The following ATR variants were observed in gnomAD, a reference collection of about 807,000 sequenced individuals.
ATR encodes ATR checkpoint kinase.
In ATR, 142 loss-of-function variants were observed where a neutral mutation model predicts 305.3. The observed-to-expected ratio is 0.47, with a 90% confidence interval of 0.41 to 0.53. ATR has a LOEUF of 0.53. Ranked by LOEUF, ATR falls within the 20% of genes least tolerant of loss-of-function variation. ATR has a pLI of 0.00. For missense variants in ATR, 2,135 were observed against 3,133.1 expected, an observed-to-expected ratio of 0.68 and a Z score of 7.60; for synonymous variants, 1,050 against 1,068.1, an observed-to-expected ratio of 0.98 and a Z score of 0.33.
chr3:142,475,093 TTA>T (rs1299830756), intron 36 of ATR, among the ~76,000 whole-genome samples: 4 of 152,108 alleles, frequency 2.6e-5, no homozygotes, highest in Admixed American at 6.6e-5. Flanking sequence ...ATGTTATGTT[TTA>T]TATATATATG....
At chr3:142,543,958 A>C (rs1203883664) in intron 16 of ATR, among the ~76,000 whole-genome samples, 1 of 152,136 alleles carries the variant, frequency 6.6e-6, no homozygotes, top group African/African-American at 2.4e-5. Flanking sequence ...GGTGTAAGCC[A>C]CTGTGCTCGG....
chr3:142,510,743 A>T (rs1196769047), intron 27 of ATR, among the ~76,000 whole-genome samples: 1 of 152,074 alleles, frequency 6.6e-6, no homozygotes, highest in Admixed American at 6.6e-5. Flanking sequence ...AAAATACTTG[A>T]TGTCTGTGAG....
intron 15 of ATR, among the ~76,000 whole-genome samples, chr3:142,549,120 T>C (rs2034383335): frequency 6.6e-6 from 1 of 152,100 alleles, no homozygotes. Context: ...AACTAAAATA[T>C]AGACATTATA....
chr3:142,466,524 T>A lies in ATR; in HGVS notation c.6697A>T (p.Ser2233Cys). 1.9e-6 allele frequency: 3 copies of A among 1,613,292 alleles called. No individual in the cohort carries two copies. The highest frequency in any genetic ancestry group is 2.7e-5 in the African/African-American group (2 of 75,028). The change falls in exon 40 of 47, where the codon AGT (serine) becomes TGT (cysteine). Residue 2233 changes from serine to cysteine, a missense_variant. This residue lies in a region of ATR where 462 missense variants were observed against 887.6 expected (regional missense o/e 0.52). Coordinates refer to ENST00000350721, the MANE Select transcript of ATR (RefSeq NM_001184.4). The stretch of plus-strand genomic sequence containing the variant: ...GTGCTCATGCTTAATGTGGAACTAC[T>A]TCCATCAACCTGAAAAAATAAATAG... ...LELCNKPVDGSSSTLSMSTHF... is the reference protein window; with the variant it reads ...LELCNKPVDGCSSTLSMSTHF...
chr3:142,543,267 T>A (rs1245753908), intron 16 of ATR, among the ~76,000 whole-genome samples: 3 of 152,188 alleles, frequency 2.0e-5, no homozygotes, highest in Non-Finnish European at 2.9e-5. Flanking sequence ...ACCATGGGCA[T>A]CAAAAGTTGC....
In ATR at chr3:142,453,252, T is replaced by C. The variant is rs751802111; in HGVS notation, c.7656-19A>G. On this transcript the variant is annotated intron_variant, in intron 45 of 46. Transcript: ENST00000350721. ...TAAGACACTAAAATTGAAACAAATATTATGGTATGATGTTATCTTTGCAAG... is the reference window on the plus strand; with the variant it reads ...TAAGACACTAAAATTGAAACAAATACTATGGTATGATGTTATCTTTGCAAG... 33 of 1,607,810 alleles carry C rather than the reference T, an allele frequency of 2.1e-5. No individual in the cohort carries two copies. Among genetic ancestry groups the C allele is most frequent in the African/African-American group, 6.7e-5 (5 of 74,762 alleles).
chr3:142,549,828 T>C (rs1469185592), intron 14 of ATR, among the ~76,000 whole-genome samples, 155 bp from the exon 15 acceptor site: 2 of 152,254 alleles, frequency 1.3e-5, no homozygotes, highest in Non-Finnish European at 2.9e-5. Context: ...TATACCACTA[T>C]AATTTTATAC....
At chr3:142,479,249 T>A (rs897549792) in intron 36 of ATR, among the ~76,000 whole-genome samples, 3 of 152,210 alleles carry the variant, frequency 2.0e-5, no homozygotes, top group Admixed American at 1.3e-4. Context: ...CCATGTTTAG[T>A]GCTTCCTTCA....
In ATR at chr3:142,560,274, T is replaced by C. The variant is rs1280024795; in HGVS notation, c.1530A>G (p.Gln510=). The change falls in exon 6 of 47, where the codon CAA becomes CAG. Residue 510 remains glutamine, a synonymous_variant. Transcript: ENST00000350721. ...TALCTVHCSH[Q]NMNCRTFKDC... is the part of the protein sequence containing the mutation. ...GAAGTTTGTTTTACCAGTTCATGTT[T>C]TGATGAGAACAATGAACAGTACACA... is the stretch of plus-strand genomic sequence containing the variant. 1.2e-6 allele frequency: 2 copies of C among 1,613,742 alleles called. No homozygotes were observed. Among genetic ancestry groups the C allele is most frequent in the Non-Finnish European group, 1.7e-6 (2 of 1,179,834 alleles).
intron 34 of ATR, among the ~76,000 whole-genome samples, chr3:142,495,503 G>A (rs1470134930): frequency 6.6e-6 from 1 of 152,136 alleles, no homozygotes; most frequent in Non-Finnish European, 1.5e-5. Context: ...CCAGCACTTT[G>A]GGTGGCTGAG....
intron 23 of ATR, among the ~76,000 whole-genome samples, chr3:142,521,425 T>G (rs1333051372): frequency 6.6e-6 from 1 of 152,238 alleles, no homozygotes; most frequent in Non-Finnish European, 1.5e-5. Flanking sequence ...ATTTTGACTT[T>G]CAAGTTTTAT....
In ATR at chr3:142,458,956, A is replaced by G. The variant is rs2108259792; in HGVS notation, c.7503+2T>C. 2 of 1,613,462 alleles carry G rather than the reference A, an allele frequency of 1.2e-6. No homozygotes were observed. The highest frequency in any genetic ancestry group is 1.7e-6 in the Non-Finnish European group (2 of 1,179,456). ...TTAGTAAGAGTAACTCATATCACATACCTTATTGAAAAGACAATTGAAATC... is the reference window on the plus strand; with the variant it reads ...TTAGTAAGAGTAACTCATATCACATGCCTTATTGAAAAGACAATTGAAATC... On this transcript the variant is annotated splice_donor_variant, in intron 44 of 46. Coordinates refer to ENST00000350721, the MANE Select transcript of ATR (RefSeq NM_001184.4). LOFTEE classifies it high-confidence loss of function.
At chr3:142,563,298 C>T (rs866270740) in intron 3 of ATR, among the ~76,000 whole-genome samples, 189 bp from the exon 4 acceptor site, 1 of 152,220 alleles carries the variant, frequency 6.6e-6, no homozygotes, top group Non-Finnish European at 1.5e-5. Context: ...GTTGCAGATA[C>T]TGCATTTGTC....
At chr3:142,479,711 C>G (rs1308644105) in intron 36 of ATR, among the ~76,000 whole-genome samples, 1 of 152,210 alleles carries the variant, frequency 6.6e-6, no homozygotes, top group Non-Finnish European at 1.5e-5. Context: ...TTCCCCATCA[C>G]TTTCAGGTAC....
At chr3:142,481,998 T>C (rs2030533296) in intron 36 of ATR, among the ~76,000 whole-genome samples, 1 of 151,664 alleles carries the variant, frequency 6.6e-6, no homozygotes, top group Non-Finnish European at 1.5e-5. Context: ...AATTTTTGTA[T>C]TTTTTTTGGT....
intron 45 of ATR, among the ~76,000 whole-genome samples, chr3:142,453,923 C>G (rs904504851): frequency 6.6e-6 from 1 of 152,196 alleles, no homozygotes; most frequent in South Asian, 2.1e-4. Context: ...TGCAATAAAC[C>G]TCTAACTAGT....
At chr3:142,502,873 C>T (rs1485706665) in intron 30 of ATR, among the ~76,000 whole-genome samples, 1 of 152,216 alleles carries the variant, frequency 6.6e-6, no homozygotes, top group African/African-American at 2.4e-5. Context: ...TGTTTTGCCA[C>T]ATACATGTAT....
chr3:142,563,693 G>A (rs1254241808), intron 3 of ATR, among the ~76,000 whole-genome samples: 1 of 152,098 alleles, frequency 6.6e-6, no homozygotes. Flanking sequence ...GAAAGGAAGA[G>A]TCACACATCT....
At chr3:142,461,721 G>A (rs1430534340) in intron 42 of ATR, among the ~76,000 whole-genome samples, 1 of 151,988 alleles carries the variant, frequency 6.6e-6, no homozygotes, top group Non-Finnish European at 1.5e-5. Context: ...CTCAAATCCT[G>A]TTGGGATGAA....
Sources: allele counts gnomAD v4.1 joint callset (sites outside exome capture counted in the v4.1 genomes callset), GRCh38; gene constraint gnomAD v4.1.1; regional missense constraint gnomAD v4.1.1; transcripts MANE v1.5; gene names NCBI Gene and HGNC (gene_info 2026-07-23, HGNC 2026-07-21).